CXorf38: variants seen among roughly 807,000 people sequenced by gnomAD.
CXorf38 encodes the protein chromosome X open reading frame 38, also known as uncharacterized protein CXorf38.
Under a neutral mutation model 27.5 loss-of-function variants are expected in CXorf38, and 13 were observed. The ratio of observed to expected loss-of-function variants is 0.47; its 90% CI spans 0.31 to 0.75. The LOEUF (loss-of-function observed/expected upper bound fraction) is 0.75. CXorf38 is among the 30% of genes least tolerant of loss of function. The pLI is 0.05. For missense variants in CXorf38, 240 were observed against 253.2 expected, an observed-to-expected ratio of 0.95 and a Z score of 0.35; for synonymous variants, 100 against 99.8, an observed-to-expected ratio of 1.00 and a Z score of -0.01.
At chrX:40,632,114 A>G (rs935799295) in intron 5 of CXorf38, among the ~76,000 whole-genome samples, 3 of 111,985 alleles carry the variant, frequency 2.7e-5, no homozygotes, top group African/African-American at 9.7e-5. Context: ...CTGCATCGTT[A>G]GCTCTCAGTG....
chrX:40,631,407 A>G (rs1169743383), intron 5 of CXorf38, among the ~76,000 whole-genome samples: 1 of 109,629 alleles, frequency 9.1e-6, no homozygotes, highest in Admixed American at 9.7e-5. Context: ...TCCTGGGTTC[A>G]AGCGATTCTC....
chrX:40,646,296 A>T (rs1928573123), intron 2 of CXorf38, among the ~76,000 whole-genome samples: 1 of 107,903 alleles, frequency 9.3e-6, no homozygotes, highest in African/African-American at 3.4e-5. Flanking sequence ...GTGTCACACC[A>T]CGGCAGCTGA....
At chrX:40,631,406 C>G (rs185965625) in intron 5 of CXorf38, among the ~76,000 whole-genome samples, 201 of 109,581 alleles carry the variant, frequency 1.8e-3, no homozygotes, top group Non-Finnish European at 2.8e-3. Context: ...CTCCTGGGTT[C>G]AAGCGATTCT....
intron 5 of CXorf38, among the ~76,000 whole-genome samples, chrX:40,634,262 G>A (rs889621938): frequency 2.3e-4 from 25 of 110,841 alleles, no homozygotes; most frequent in African/African-American, 8.2e-4. Context: ...TAAGAGATGG[G>A]GTCTCCCTAC....
chrX:40,632,208 C>A (rs1009549318), intron 5 of CXorf38, among the ~76,000 whole-genome samples: 1 of 111,655 alleles, frequency 9.0e-6, no homozygotes, highest in African/African-American at 3.3e-5. Context: ...AGGGCCTGGG[C>A]ACCACACGCA....
rs984260216 is a variant in CXorf38 at position 40,628,064 on chromosome X, T to C, written c.*2100A>G. 4.5e-5 allele frequency: 5 copies of C among 112,314 alleles called. No homozygotes were observed. The Admixed American group carries it at 4.7e-4, about 11-fold the overall frequency. The allele number at this position is 112,314 out of a possible 1,213,427, so 9.3% of individuals were successfully genotyped here. A position where few individuals can be genotyped will look rare whatever the true frequency, so the allele number is the denominator to read the frequency against. On this transcript the variant is annotated 3_prime_UTR_variant, in exon 7 of 7. Coordinates refer to ENST00000327877, the MANE Select transcript of CXorf38 (RefSeq NM_144970.3). ...ATCTAGAAGCTCTGAAATATTTCAC[T>C]AAGTTTCCTCGTTTGGAAGAGTTGT...
chrX:40,630,408 G>A, intron 6 of CXorf38: 1 of 345,712 alleles, frequency 2.9e-6, no homozygotes. Flanking sequence ...GGCTAAACAG[G>A]GAGTTGATGC....
rs1928627766 is a variant in CXorf38, at chrX:40,647,158, T to C, written c.217-17A>G. On this transcript the variant is annotated splice_polypyrimidine_tract_variant and intron_variant, in intron 1 of 6. Coordinates refer to ENST00000327877, the MANE Select transcript of CXorf38 (RefSeq NM_144970.3). ...AGGCTGAAACTACAGGGGGCGGCGG[T>C]GAGGAGGGGCCCAGGAGGGAGGGAC... The C allele has an allele frequency of 8.3e-6, 10 of 1,204,636 alleles. No individual in the cohort carries two copies. Among genetic ancestry groups the C allele is most frequent in the Non-Finnish European group, 1.1e-5 (10 of 892,867 alleles).
At chrX:40,644,888 T>C (rs1928507433) in intron 2 of CXorf38, among the ~76,000 whole-genome samples, 1 of 111,790 alleles carries the variant, frequency 8.9e-6, no homozygotes. Flanking sequence ...CCGCTGGGGC[T>C]CATGATCAAG....
intron 5 of CXorf38, among the ~76,000 whole-genome samples, chrX:40,634,949 GCTC>G (rs1170436269): frequency 8.9e-6 from 1 of 112,151 alleles, no homozygotes; most frequent in Non-Finnish European, 1.9e-5. Flanking sequence ...ACAGCTGCCA[GCTC>G]CTCATTATAT....
rs929184393 is a variant in CXorf38, at chrX:40,629,469, T to G, written c.*695A>C. On this transcript the variant is annotated 3_prime_UTR_variant, in exon 7 of 7. Transcript: ENST00000327877. Reference sequence around the variant, plus strand: ...AATAGGAATAGGACTTGCCTGCCAGTGGGTGGAGCACTCCAGGTGAGCCTC... The same window carrying G: ...AATAGGAATAGGACTTGCCTGCCAGGGGGTGGAGCACTCCAGGTGAGCCTC... 1 of 112,515 alleles carries G rather than the reference T, an allele frequency of 8.9e-6. No homozygotes were observed. Among genetic ancestry groups the G allele is most frequent in the African/African-American group, 3.2e-5 (1 of 30,976 alleles). The allele number at this position is 112,515 out of a possible 1,213,427, so 9.3% of individuals were successfully genotyped here. A position where few individuals can be genotyped will look rare whatever the true frequency, so the allele number is the denominator to read the frequency against.
At chrX:40,636,936 C>T in intron 4 of CXorf38, 71 bp downstream of exon 4, 1 of 998,960 alleles carries the variant, frequency 1.0e-6, no homozygotes, top group Non-Finnish European at 1.4e-6. Context: ...ACTTCAAATT[C>T]TAAATGTGTG....
At chrX:40,639,206 T>C in intron 2 of CXorf38, 78 bp from the exon 3 acceptor site, 2 of 1,057,667 alleles carry the variant, frequency 1.9e-6, no homozygotes, top group South Asian at 4.3e-5. Context: ...TACTTGTCTA[T>C]TTTCCAAATG....
At chrX:40,646,865 C>T in intron 2 of CXorf38, 142 bp downstream of exon 2, 1 of 692,956 alleles carries the variant, frequency 1.4e-6, no homozygotes, top group South Asian at 3.4e-5. Context: ...TCCCGCATAC[C>T]ACCCCTGAAC....
intron 5 of CXorf38, among the ~76,000 whole-genome samples, chrX:40,631,315 TTTG>T (rs1927797291): frequency 9.3e-6 from 1 of 107,107 alleles, no homozygotes; most frequent in Non-Finnish European, 1.9e-5. Flanking sequence ...GTGTATATTT[TTTG>T]TTTTTTTGAG....
rs544265389 is a variant in CXorf38, at chrX:40,629,019, G to GT, written c.*1144dup. On this transcript the variant is annotated 3_prime_UTR_variant, in exon 7 of 7. Transcript: ENST00000327877. Reference sequence around the variant, plus strand: ...CAACCTAGTAGTAACAGTTTTTGGGGTTTTTTTTTTTTTGAGACAGGGTCT... The same window carrying GT: ...CAACCTAGTAGTAACAGTTTTTGGGGTTTTTTTTTTTTTTGAGACAGGGTCT... The GT allele has an allele frequency of 0.13, 12,965 of 101,030 alleles. 709 individuals are homozygous for GT. The highest frequency in any genetic ancestry group is 0.18 in the African/African-American group (4,975 of 27,676). The allele number at this position is 101,030 out of a possible 1,213,427, so 8.3% of individuals were successfully genotyped here.
intron 5 of CXorf38, 112 bp from the exon 6 acceptor site, chrX:40,630,885 A>T: frequency 1.4e-6 from 1 of 701,742 alleles, no homozygotes; most frequent in Non-Finnish European, 2.1e-6. Context: ...TGCCCAAGAG[A>T]CAGAAATCTT....
Position 40,629,236 on chromosome X carries a change from A to C in CXorf38, c.*928T>G, listed in dbSNP as rs1220357424. The C allele has an allele frequency of 4.5e-5, 5 of 110,839 alleles. No homozygotes were observed. Among genetic ancestry groups the C allele is most frequent in the African/African-American group, 1.6e-4 (5 of 30,364 alleles). 9.1% of individuals were successfully genotyped at this position (110,839 alleles called of 1,213,427 possible). A position where few individuals can be genotyped will look rare whatever the true frequency, so the allele number is the denominator to read the frequency against. ...TCGCCATCTTGCCCAGGTTGGTCTCAAACTCCTGGGCTCAAGTGATCCGCC... is the reference window on the plus strand; with the variant it reads ...TCGCCATCTTGCCCAGGTTGGTCTCCAACTCCTGGGCTCAAGTGATCCGCC... On this transcript the variant is annotated 3_prime_UTR_variant, in exon 7 of 7. Coordinates refer to ENST00000327877, the MANE Select transcript of CXorf38 (RefSeq NM_144970.3).
At chrX:40,642,234 G>T (rs748937275) in intron 2 of CXorf38, among the ~76,000 whole-genome samples, 2 of 111,235 alleles carry the variant, frequency 1.8e-5, no homozygotes, top group Admixed American at 1.9e-4. Context: ...TGGGGAACGG[G>T]CATAGGGTGG....
Sources: gnomAD v4.1 joint callset for allele counts (sites outside exome capture counted in the v4.1 genomes callset) on GRCh38, gnomAD v4.1.1 for gene constraint, MANE v1.5 for transcripts, NCBI Gene and HGNC (gene_info 2026-07-23, HGNC 2026-07-21) for gene names.